The following PDXDC1 variants were observed in gnomAD, a reference collection of about 807,000 sequenced individuals.
PDXDC1 encodes pyridoxal-dependent decarboxylase domain-containing protein 1.
A neutral mutation model predicts 100.1 loss-of-function variants in PDXDC1; 42 were observed. That is an observed-to-expected ratio of 0.42 (90% CI 0.33 to 0.54). The LOEUF is 0.54. Ranked by LOEUF, PDXDC1 falls within the 20% of genes least tolerant of loss-of-function variation. The pLI, the probability that PDXDC1 is intolerant of heterozygous loss-of-function variation, is 0.10. For missense variants in PDXDC1, 636 were observed against 979.2 expected, an observed-to-expected ratio of 0.65 and a Z score of 4.68; for synonymous variants, 260 against 371.7, an observed-to-expected ratio of 0.70 and a Z score of 3.46.
At position 15,007,157 on chromosome 16, in the gene PDXDC1, C is replaced by CTTTTTT. The variant is rs56256230; in HGVS notation, c.579+600_579+605dup. 1.1e-4 allele frequency among the ~76,000 whole-genome samples: 8 copies of CTTTTTT among 73,960 alleles called. 2 individuals are homozygous for CTTTTTT. The highest frequency in any genetic ancestry group is 1.5e-3 in the East Asian group (2 of 1,336). The allele number at this position is 73,960 out of a possible 152,430, so 48.5% of individuals were successfully genotyped here. ...AGAATTGCTGGATCAAAGAGCATGA[C>CTTTTTT]TTTTTTTTTTTTTTTTTTTTTTTTT... is the stretch of plus-strand genomic sequence containing the variant. On this transcript the variant is annotated intron_variant, in intron 6 of 22. Coordinates refer to ENST00000396410, the MANE Select transcript of PDXDC1 (RefSeq NM_015027.4).
intron 8 of PDXDC1, among the ~76,000 whole-genome samples, chr16:15,011,363 G>A (rs1465489770): frequency 6.6e-6 from 1 of 152,298 alleles, no homozygotes; most frequent in African/African-American, 2.4e-5. Flanking sequence ...GAAAAAAACT[G>A]AATCTTAACC....
At chr16:15,148,896 G>A in the PDXDC1 span, among the ~76,000 whole-genome samples, 7 of 152,258 alleles carry the variant, frequency 4.6e-5, no homozygotes, top group East Asian at 1.4e-3. Context: ...GCGTACAGGA[G>A]TGAGCGTGTG....
chr16:15,063,154 A>C (rs1402635520), intron 16 of PDXDC1: 1 of 1,370,012 alleles, frequency 7.3e-7, no homozygotes, highest in African/African-American at 1.4e-5. Context: ...CTGGAACCAG[A>C]AAGGAGATTC....
At chr16:15,028,772 T>C in intron 14 of PDXDC1, 106 bp from the exon 15 acceptor site, 1 of 1,050,942 alleles carries the variant, frequency 9.5e-7, no homozygotes, top group Non-Finnish European at 1.4e-6. Flanking sequence ...TACGAGTCAG[T>C]GCCCTGGGGC....
chr16:15,129,740 C>G, intron 16 of PDXDC1: 1 of 616,824 alleles, frequency 1.6e-6, no homozygotes, highest in East Asian at 2.8e-5. Flanking sequence ...AGGTCATTCC[C>G]AGGATGAACA....
intron 5 of PDXDC1, among the ~76,000 whole-genome samples, chr16:15,005,495 A>G (rs1749697746): frequency 6.6e-6 from 1 of 152,274 alleles, no homozygotes; most frequent in Admixed American, 6.5e-5. Flanking sequence ...TGTTTGCCTA[A>G]CTTGAGACAT....
chr16:15,034,517 G>T lies in PDXDC1; in HGVS notation c.1966G>T (p.Ala656Ser). The T allele has an allele frequency of 6.2e-7, 1 of 1,614,126 alleles. No individual in the cohort carries two copies. Among genetic ancestry groups the T allele is most frequent in the South Asian group, 1.1e-5 (1 of 91,080 alleles). The change falls in exon 21 of 23, where the codon GCT becomes TCT. Residue 656 changes from alanine to serine, a missense_variant. Ala to Ser is a moderately conservative substitution (Grantham distance 99). Coordinates refer to ENST00000396410, the MANE Select transcript of PDXDC1 (RefSeq NM_015027.4). The part of the protein sequence containing the change: ...SVLNWFSPVQ[A>S]LQKGRTFNLT... ...GCTGAATTGGTTTTCTCCGGTCCAG[G>T]CTTTACAGAAGGGAAGAACTTTTAA...
chr16:15,080,873 A>G (rs992858857), intron 16 of PDXDC1, among the ~76,000 whole-genome samples: 1 of 151,836 alleles, frequency 6.6e-6, no homozygotes, highest in Non-Finnish European at 1.5e-5. Flanking sequence ...ACATGTTTTT[A>G]GGGTTCAATC....
intron 16 of PDXDC1, among the ~76,000 whole-genome samples, chr16:15,055,474 C>T (rs1329997952): frequency 6.6e-6 from 1 of 152,222 alleles, no homozygotes; most frequent in Non-Finnish European, 1.5e-5. Context: ...TAACCTCCTG[C>T]TTCACGGGGA....
chr16:15,047,949 T>C (rs2044142507), intron 16 of PDXDC1: 1 of 1,605,770 alleles, frequency 6.2e-7, no homozygotes, highest in Non-Finnish European at 8.5e-7. Context: ...AAATAAAATA[T>C]CCAATAGCCT....
At chr16:15,148,370 ATTTTTTTT>A in the PDXDC1 span, among the ~76,000 whole-genome samples, 46 of 34,104 alleles carry the variant, frequency 1.3e-3, no homozygotes, top group South Asian at 0.016. Flanking sequence ...AGATCCTGTG[ATTTTTTTT>A]TTTTTTTTTT....
intron 1 of PDXDC1, among the ~76,000 whole-genome samples, chr16:14,993,916 T>C (rs1339754591): frequency 6.6e-6 from 1 of 152,306 alleles, no homozygotes; most frequent in Non-Finnish European, 1.5e-5. Flanking sequence ...TTTTTTCATG[T>C]GTCTTTTGGC....
chr16:15,059,448 C>T (rs546271873), intron 16 of PDXDC1, among the ~76,000 whole-genome samples: 2 of 152,296 alleles, frequency 1.3e-5, no homozygotes, highest in African/African-American at 2.4e-5. Context: ...GTACATGCAT[C>T]GAATCCTTAA....
At chr16:15,060,484 T>C (rs2044671897) in intron 16 of PDXDC1, 1 of 154,890 alleles carries the variant, frequency 6.5e-6, no homozygotes, top group Non-Finnish European at 1.4e-5. Flanking sequence ...AAAATATTTA[T>C]GATCAAGAAA....
chr16:15,099,806 T>C (rs530228951), intron 16 of PDXDC1, among the ~76,000 whole-genome samples: 2 of 152,320 alleles, frequency 1.3e-5, no homozygotes, highest in African/African-American at 4.8e-5. Context: ...AAAATTTTGC[T>C]TTACTATCAT....
At chr16:15,094,189 G>T (rs781068032) in intron 16 of PDXDC1, 1 of 1,601,322 alleles carries the variant, frequency 6.2e-7, no homozygotes, top group Non-Finnish European at 8.5e-7. Flanking sequence ...AGGACGAAGC[G>T]GCCGCATCTC....
intron 1 of PDXDC1, among the ~76,000 whole-genome samples, chr16:14,993,851 G>A (rs1436608291): frequency 6.6e-6 from 1 of 152,404 alleles, no homozygotes; most frequent in East Asian, 1.9e-4. Context: ...GGTGTGAGAT[G>A]GTATCTCATT....
chr16:15,079,877 G>GT, intron 16 of PDXDC1: 1 of 1,190,578 alleles, frequency 8.4e-7, no homozygotes, highest in South Asian at 1.5e-5. Context: ...GAATACAGGC[G>GT]TGAGTCACCA....
At chr16:14,996,991 C>T (rs1186684649) in intron 1 of PDXDC1, among the ~76,000 whole-genome samples, 2 of 152,304 alleles carry the variant, frequency 1.3e-5, no homozygotes, top group South Asian at 2.1e-4. Context: ...GTAGGTCATG[C>T]GTTGCCGGTA....
Sources: allele counts gnomAD v4.1 joint callset (sites outside exome capture counted in the v4.1 genomes callset), GRCh38; gene constraint gnomAD v4.1.1; transcripts MANE v1.5; gene names NCBI Gene and HGNC (gene_info 2026-07-23, HGNC 2026-07-21).